The following RBFOX1 variants were observed in gnomAD, a reference collection of about 807,000 sequenced individuals.
RBFOX1 encodes RNA binding fox-1 homolog 1, also known as RNA binding protein fox-1 homolog 1.
RBFOX1 carries 8 observed loss-of-function variants against 57.7 expected under a neutral mutation model. The ratio of observed to expected loss-of-function variants is 0.14; its 90% CI spans 0.08 to 0.25. The LOEUF is 0.25. Ranked by LOEUF, RBFOX1 falls within the 10% of genes least tolerant of loss-of-function variation. RBFOX1 has a pLI of 1.00. For synonymous variants in RBFOX1, 326 were observed against 222.4 expected, an observed-to-expected ratio of 1.47 and a Z score of -4.15; for missense variants, 611 against 548.5, an observed-to-expected ratio of 1.11 and a Z score of -1.14.
intron 1 of RBFOX1, among the ~76,000 whole-genome samples, chr16:6,150,082 G>T (rs981115193): frequency 6.6e-6 from 1 of 152,188 alleles, no homozygotes; most frequent in Admixed American, 6.5e-5. Context: ...GTGTTGGAAT[G>T]GTAGATGATG....
rs557227528 is a variant in RBFOX1, at chr16:6,602,415, T to C, written c.-63-52188T>C. On this transcript the variant is annotated intron_variant, in intron 2 of 15. Transcript: ENST00000550418. ...AAACAGCAAACCGTTTGTCTGAGTA[T>C]AGGATGGTCTCTCTAGAGCAAGAAG... Among the ~76,000 whole-genome samples, 8 of 152,300 alleles carry C rather than the reference T, an allele frequency of 5.3e-5. No homozygotes were observed. In the East Asian group the frequency reaches 5.8e-4, roughly 11 times the overall value.
chr16:6,729,992 T>C (rs1290886327), intron 3 of RBFOX1, among the ~76,000 whole-genome samples: 5 of 152,094 alleles, frequency 3.3e-5, no homozygotes, highest in African/African-American at 1.2e-4. Flanking sequence ...ACTATACTTG[T>C]TGAATATTTT....
At chr16:7,145,419 C>G (rs1303100105) in intron 4 of RBFOX1, among the ~76,000 whole-genome samples, 1 of 152,114 alleles carries the variant, frequency 6.6e-6, no homozygotes, top group African/African-American at 2.4e-5. Flanking sequence ...GTTGGCCAGT[C>G]TGGTCTTGAA....
At chr16:6,813,559 A>C (rs1232932481) in intron 3 of RBFOX1, among the ~76,000 whole-genome samples, 1 of 152,092 alleles carries the variant, frequency 6.6e-6, no homozygotes, top group African/African-American at 2.4e-5. Flanking sequence ...GCTGAATCTC[A>C]CTAAGTGTCT....
intron 2 of RBFOX1, among the ~76,000 whole-genome samples, chr16:6,521,046 G>A (rs567929774): frequency 7.2e-5 from 11 of 152,260 alleles, no homozygotes; most frequent in African/African-American, 2.2e-4. Context: ...ACAATGTTTA[G>A]ATCCTTTAAT....
chr16:5,781,518 GA>G (rs2054323661), intron 3 of RBFOX1, among the ~76,000 whole-genome samples: 1 of 152,200 alleles, frequency 6.6e-6, no homozygotes, highest in Admixed American at 6.5e-5. Flanking sequence ...TCTAGGAAAG[GA>G]ATTGGCAAAC....
intron 3 of RBFOX1, among the ~76,000 whole-genome samples, chr16:6,842,403 C>T (rs2093526401): frequency 2.0e-5 from 3 of 152,150 alleles, no homozygotes; most frequent in African/African-American, 2.4e-5. Flanking sequence ...AATCCAACTA[C>T]TTGGAGATTA....
At chr16:7,189,455 C>T (rs1048883423) in intron 4 of RBFOX1, among the ~76,000 whole-genome samples, 3 of 140,158 alleles carry the variant, frequency 2.1e-5, no homozygotes, top group Admixed American at 7.1e-5. Flanking sequence ...AAAAGGAATC[C>T]TCAATGGATA....
chr16:7,189,910 C>G (rs191224754), intron 4 of RBFOX1, among the ~76,000 whole-genome samples: 1 of 152,354 alleles, frequency 6.6e-6, no homozygotes, highest in Non-Finnish European at 1.5e-5. Flanking sequence ...ACAGATCATT[C>G]TCCTAATTGA....
chr16:7,385,117 C>G (rs562186744), intron 4 of RBFOX1, among the ~76,000 whole-genome samples: 2 of 152,324 alleles, frequency 1.3e-5, no homozygotes, highest in East Asian at 1.9e-4. Flanking sequence ...CCAGAGAGGT[C>G]TGAGAATTGG....
At chr16:5,852,593 C>A (rs1388251433) in intron 3 of RBFOX1, among the ~76,000 whole-genome samples, 1 of 152,128 alleles carries the variant, frequency 6.6e-6, no homozygotes, top group East Asian at 1.9e-4. Context: ...AAGATGGCAG[C>A]TGAGAGTCCT....
chr16:5,970,602 A>C (rs1013711021), intron 4 of RBFOX1, among the ~76,000 whole-genome samples: 1 of 152,234 alleles, frequency 6.6e-6, no homozygotes, highest in African/African-American at 2.4e-5. Context: ...TCTGTAGAGA[A>C]GACAGACTGT....
chr16:6,147,395 G>A (rs1297766824), intron 1 of RBFOX1, among the ~76,000 whole-genome samples: 2 of 152,072 alleles, frequency 1.3e-5, no homozygotes, highest in African/African-American at 2.4e-5. Flanking sequence ...CCAAGCACCC[G>A]GGAGCATTCC....
rs57039390 is a variant in RBFOX1 at position 6,995,290 on chromosome 16, TTGTGTGTGTGTGTG to T, written c.-15-56739_-15-56726del. 2.8e-3 allele frequency among the ~76,000 whole-genome samples: 383 copies of T among 138,410 alleles called. 2 individuals carry two copies. The highest frequency in any genetic ancestry group is 7.8e-3 in the African/African-American group (287 of 36,960). 90.8% of individuals were successfully genotyped at this position (138,410 alleles called of 152,430 possible). On this transcript the variant is annotated intron_variant, in intron 3 of 15. Transcript: ENST00000550418. ...AAATGACTATGATCTGAAAGTAGCC[TTGTGTGTGTGTGTG>T]TGTGTGTGTGTGTGTGTGTGTGTGT...
intron 3 of RBFOX1, among the ~76,000 whole-genome samples, chr16:5,832,258 G>A (rs1243865109): frequency 6.6e-6 from 1 of 152,370 alleles, no homozygotes; most frequent in East Asian, 1.9e-4. Context: ...TGAAACAGGA[G>A]TAAGGCTGTG....
intron 3 of RBFOX1, among the ~76,000 whole-genome samples, chr16:6,733,245 T>C (rs985847531): frequency 6.6e-6 from 1 of 152,070 alleles, no homozygotes; most frequent in Non-Finnish European, 1.5e-5. Context: ...CAAACTCCCT[T>C]TTTTGAAATT....
intron 4 of RBFOX1, among the ~76,000 whole-genome samples, chr16:7,404,070 T>TTTATTTTATTTTATTTTATTTA: frequency 1.3e-5 from 2 of 150,574 alleles, no homozygotes; most frequent in Admixed American, 6.7e-5. Context: ...TTTATTTTAT[T>TTTATTTTATTTTATTTTATTTA]GAGACGGAGT....
rs1312371120 is a variant in RBFOX1, at chr16:7,712,114, G to A, written c.*1369G>A. 2 of 152,628 alleles carry A rather than the reference G, an allele frequency of 1.3e-5. No homozygotes were observed. Among genetic ancestry groups the A allele is most frequent in the Non-Finnish European group, 2.9e-5 (2 of 68,048 alleles). The allele number at this position is 152,628 out of a possible 1,614,324, so 9.5% of individuals were successfully genotyped here. A position where few individuals can be genotyped will look rare whatever the true frequency, so the allele number is the denominator to read the frequency against. On this transcript the variant is annotated 3_prime_UTR_variant, in exon 16 of 16. Coordinates refer to ENST00000550418, the MANE Select transcript of RBFOX1 (RefSeq NM_018723.4). The stretch of plus-strand genomic sequence containing the variant: ...TCGGATGCAGGGCCAGAGTGACACA[G>A]CCGAAAAATTGCAGTTTGTCTGTAC...
intron 1 of RBFOX1, among the ~76,000 whole-genome samples, chr16:5,406,606 A>G (rs2066874963): frequency 6.6e-6 from 1 of 152,150 alleles, no homozygotes; most frequent in Non-Finnish European, 1.5e-5. Context: ...ATATGTATAT[A>G]TATTCACACA....
Sources: gnomAD v4.1 joint callset for allele counts (sites outside exome capture counted in the v4.1 genomes callset) on GRCh38, gnomAD v4.1.1 for gene constraint, MANE v1.5 for transcripts, NCBI Gene and HGNC (gene_info 2026-07-23, HGNC 2026-07-21) for gene names.